CADPS: variants seen among roughly 807,000 people sequenced by gnomAD.
CADPS encodes calcium-dependent secretion activator 1.
In CADPS, 57 loss-of-function variants were observed where a neutral mutation model predicts 167.3. The observed-to-expected ratio is 0.34, with a 90% CI of 0.28 to 0.42. CADPS has a LOEUF of 0.42. Among genes scored for constraint, CADPS ranks in the 20% least tolerant of loss-of-function variants. The pLI, the probability that CADPS is intolerant of heterozygous loss-of-function variation, is 1.00. For synonymous variants in CADPS, 676 were observed against 635.3 expected (o/e 1.06, Z -0.96); for missense variants, 1,414 against 1,738.1 (o/e 0.81, Z 3.32).
chr3:62,744,139 G>C (rs1170161615), intron 3 of CADPS, among the ~76,000 whole-genome samples: 1 of 152,032 alleles, frequency 6.6e-6, no homozygotes, highest in Non-Finnish European at 1.5e-5. Context: ...TGCTTTAAAG[G>C]CTTGTTATGA....
chr3:62,749,217 G>C (rs1232505874), intron 3 of CADPS, among the ~76,000 whole-genome samples: 2 of 152,220 alleles, frequency 1.3e-5, no homozygotes, highest in African/African-American at 4.8e-5. Flanking sequence ...AGAGACATTT[G>C]TTAAACTCTC....
intron 27 of CADPS, chr3:62,440,797 A>C (rs910963804): frequency 1.3e-5 from 2 of 152,200 alleles, no homozygotes; most frequent in African/African-American, 4.8e-5. Flanking sequence ...ACGGTGAGGG[A>C]GGAGGCTGCC....
chr3:62,802,135 A>G (rs995319883), intron 1 of CADPS, among the ~76,000 whole-genome samples: 2 of 152,180 alleles, frequency 1.3e-5, no homozygotes, highest in African/African-American at 4.8e-5. Context: ...ATTAAGCCAC[A>G]GGACACATAA....
intron 17 of CADPS, among the ~76,000 whole-genome samples, chr3:62,507,302 A>G (rs985882996): frequency 6.6e-6 from 1 of 152,184 alleles, no homozygotes; most frequent in South Asian, 2.1e-4. Context: ...GCAATTCATC[A>G]AAGACCCTGG....
At position 62,557,581 on chromosome 3, in the gene CADPS, T is replaced by C. The variant is rs537326556; in HGVS notation, c.1645-68A>G. The C allele has an allele frequency of 1.0e-5, 12 of 1,191,884 alleles. No individual in the cohort carries two copies. The African/African-American group carries it at 1.2e-4, about 12-fold the overall frequency. The allele number at this position is 1,191,884 out of a possible 1,614,324, so 73.8% of individuals were successfully genotyped here. A position where few individuals can be genotyped will look rare whatever the true frequency, so the allele number is the denominator to read the frequency against. ...GTCTTCTCCAAAAAACCCTCCCCCA[T>C]GTTCTCTCCTCTGAGGATCTGGACT... On this transcript the variant is annotated intron_variant, in intron 9 of 29. Coordinates refer to ENST00000383710, the MANE Select transcript of CADPS (RefSeq NM_003716.4).
chr3:62,526,580 A>G (rs547928871), intron 13 of CADPS, among the ~76,000 whole-genome samples: 19 of 152,334 alleles, frequency 1.2e-4, no homozygotes, highest in African/African-American at 4.3e-4. Flanking sequence ...TAGAAAGAAT[A>G]CTAAAAATAT....
At chr3:62,795,854 G>T (rs1165249001) in intron 1 of CADPS, among the ~76,000 whole-genome samples, 1 of 152,202 alleles carries the variant, frequency 6.6e-6, no homozygotes. Flanking sequence ...ATTGCTGAAG[G>T]ATCAATGGGA....
At chr3:62,843,068 A>AT (rs35085939) in intron 1 of CADPS, among the ~76,000 whole-genome samples, 38,388 of 151,898 alleles carry the variant, frequency 0.25, 5,988 homozygotes, top group East Asian at 0.48. Flanking sequence ...CTCTGGTATA[A>AT]TTTTTTTTCA....
chr3:62,566,242 C>T (rs1170281395), intron 9 of CADPS, among the ~76,000 whole-genome samples: 2 of 152,224 alleles, frequency 1.3e-5, no homozygotes, highest in African/African-American at 4.8e-5. Flanking sequence ...TTCCCCAGAA[C>T]TCTCACGCTT....
At chr3:62,777,912 T>C (rs1258954192) in intron 1 of CADPS, among the ~76,000 whole-genome samples, 1 of 152,228 alleles carries the variant, frequency 6.6e-6, no homozygotes, top group Non-Finnish European at 1.5e-5. Context: ...TTTCATCATC[T>C]CATGTCTTAC....
intron 28 of CADPS, among the ~76,000 whole-genome samples, chr3:62,416,098 C>A (rs186391963): frequency 6.6e-6 from 1 of 152,158 alleles, no homozygotes; most frequent in East Asian, 1.9e-4. Context: ...TCAGAAATAC[C>A]CATTTGCCTC....
chr3:62,763,754 T>A (rs1489544132), intron 2 of CADPS, among the ~76,000 whole-genome samples: 1 of 152,186 alleles, frequency 6.6e-6, no homozygotes, highest in Non-Finnish European at 1.5e-5. Context: ...CCTGGAAAAG[T>A]GAATCTAAGA....
At chr3:62,513,784 G>A (rs1329871994) in intron 16 of CADPS, 91 of 880,598 alleles carry the variant, frequency 1.0e-4, no homozygotes, top group Non-Finnish European at 1.4e-4. Flanking sequence ...AGAGGAAAAC[G>A]TTACATTAGC....
chr3:62,697,641 C>G (rs1038135503), intron 3 of CADPS, among the ~76,000 whole-genome samples: 1 of 152,038 alleles, frequency 6.6e-6, no homozygotes, highest in South Asian at 2.1e-4. Context: ...ATTGCTGGAT[C>G]AAATGCTAAA....
chr3:62,771,924 G>A (rs1254213469), intron 1 of CADPS, among the ~76,000 whole-genome samples: 2 of 152,200 alleles, frequency 1.3e-5, no homozygotes, highest in African/African-American at 4.8e-5. Flanking sequence ...CTCAGGAGAG[G>A]CAATGCTGAA....
chr3:62,511,517 A>G (rs2067815268), intron 17 of CADPS, among the ~76,000 whole-genome samples: 1 of 152,164 alleles, frequency 6.6e-6, no homozygotes, highest in South Asian at 2.1e-4. Context: ...TCATACCTGG[A>G]ACATGATATG....
chr3:62,568,772 T>C (rs748346325), intron 9 of CADPS, among the ~76,000 whole-genome samples: 1 of 152,248 alleles, frequency 6.6e-6, no homozygotes, highest in Non-Finnish European at 1.5e-5. Context: ...AGAAACCTAA[T>C]ACAACTTGGA....
chr3:62,417,155 A>G (rs2050224647), intron 28 of CADPS, among the ~76,000 whole-genome samples: 1 of 151,558 alleles, frequency 6.6e-6, no homozygotes, highest in African/African-American at 2.4e-5. Flanking sequence ...ACTATTGGTG[A>G]TTCTGATTTG....
chr3:62,736,480 C>A (rs547660915), intron 3 of CADPS, among the ~76,000 whole-genome samples: 1 of 152,300 alleles, frequency 6.6e-6, no homozygotes, highest in South Asian at 2.1e-4. Context: ...GCATGCAATT[C>A]TCCTAGTAGG....
Sources: allele counts gnomAD v4.1 joint callset (sites outside exome capture counted in the v4.1 genomes callset), GRCh38; gene constraint gnomAD v4.1.1; transcripts MANE v1.5; gene names NCBI Gene and HGNC (gene_info 2026-07-23, HGNC 2026-07-21).